Variants in GRIK4 observed in about 807,000 individuals in gnomAD.
The protein encoded by GRIK4 is glutamate receptor ionotropic, kainate 4.
A neutral mutation model predicts 104.9 loss-of-function variants in GRIK4; 40 were observed. The observed-to-expected ratio is 0.38, with a 90% CI of 0.30 to 0.50. GRIK4 has a LOEUF of 0.50. Ranked by LOEUF, GRIK4 falls within the 20% of genes least tolerant of loss-of-function variation. The pLI is 0.93. For synonymous variants in GRIK4, 485 were observed against 524.9 expected (o/e 0.92, Z 1.04); for missense variants, 1,047 against 1,308.1 (o/e 0.80, Z 3.08).
In GRIK4 at chr11:120,555,257, G is replaced by A. The variant is rs1213784735; in HGVS notation, c.-159+43370G>A. Reference sequence around the variant, plus strand: ...GCTGGCTGTCCAAAAGCAAAACCCAGCAAGTGGCTTCCTGTTTATGCATTA... The same window carrying A: ...GCTGGCTGTCCAAAAGCAAAACCCAACAAGTGGCTTCCTGTTTATGCATTA... On this transcript the variant is annotated intron_variant, in intron 1 of 20. Transcript: ENST00000527524. This position sits in a 1 kb window ranked among gnomAD's most constrained non-coding sequence, Gnocchi z 5.3. 6.6e-6 allele frequency among the ~76,000 whole-genome samples: 1 copy of A among 152,220 alleles called. No homozygotes were observed.
At chr11:120,781,746 G>A (rs1166563275) in intron 3 of GRIK4, among the ~76,000 whole-genome samples, 1 of 152,184 alleles carries the variant, frequency 6.6e-6, no homozygotes, top group African/African-American at 2.4e-5. Context: ...GTGCGTGAGG[G>A]TGGTCTCTGG....
intron 1 of GRIK4, among the ~76,000 whole-genome samples, chr11:120,613,557 G>C (rs988236191): frequency 6.6e-6 from 1 of 152,246 alleles, no homozygotes; most frequent in African/African-American, 2.4e-5. Context: ...GCATGTGTTT[G>C]CGTGTGTGCA....
intron 3 of GRIK4, among the ~76,000 whole-genome samples, chr11:120,772,323 T>C (rs998615866): frequency 1.3e-5 from 2 of 152,212 alleles, no homozygotes; most frequent in African/African-American, 2.4e-5. Context: ...AGTCCAAGAT[T>C]ACACAGCCAG....
At chr11:120,809,550 C>T (rs940482855) in intron 4 of GRIK4, among the ~76,000 whole-genome samples, 1 of 152,276 alleles carries the variant, frequency 6.6e-6, no homozygotes, top group Non-Finnish European at 1.5e-5. Flanking sequence ...TTCAGTTCCA[C>T]TGGACTCATT....
chr11:120,837,157 A>C (rs1412253577), intron 8 of GRIK4, among the ~76,000 whole-genome samples: 1 of 152,196 alleles, frequency 6.6e-6, no homozygotes, highest in Admixed American at 6.5e-5. Flanking sequence ...TAGTCTCTAC[A>C]TGGACTTAGG....
intron 18 of GRIK4, among the ~76,000 whole-genome samples, chr11:120,966,373 AATTT>A (rs1944384052): frequency 6.6e-6 from 1 of 152,062 alleles, no homozygotes; most frequent in Non-Finnish European, 1.5e-5. Flanking sequence ...GAAATTAATT[AATTT>A]ATTTATTTTT....
At chr11:120,770,654 G>A (rs953525909) in intron 3 of GRIK4, among the ~76,000 whole-genome samples, 2 of 152,196 alleles carry the variant, frequency 1.3e-5, no homozygotes, top group African/African-American at 4.8e-5. Context: ...CTGGGGAAGT[G>A]CCATGGTCTC....
chr11:120,694,666 G>A (rs944724073), intron 3 of GRIK4, among the ~76,000 whole-genome samples: 2 of 152,174 alleles, frequency 1.3e-5, no homozygotes, highest in African/African-American at 4.8e-5. Flanking sequence ...TAACAGCCCA[G>A]CCTTGGGTGC....
rs1944396164 is a variant in GRIK4, at chr11:120,967,068, ATC to A, written c.2267-125_2267-124del. The A allele has an allele frequency of 9.5e-7, 1 of 1,047,340 alleles. No individual in the cohort carries two copies. The highest frequency in any genetic ancestry group is 2.6e-5 in the East Asian group (1 of 38,478). 64.9% of individuals were successfully genotyped at this position (1,047,340 alleles called of 1,614,324 possible). ...CCCATGGGCTCGCCCCACCCGCTGC[ATC>A]TGTCTGTCCCCTCTCGAGGTGAAAG... On this transcript the variant is annotated intron_variant, in intron 18 of 20. Coordinates refer to ENST00000527524, the MANE Select transcript of GRIK4 (RefSeq NM_014619.5). This position sits in a 1 kb window ranked among gnomAD's most constrained non-coding sequence, Gnocchi z 4.2.
chr11:120,637,219 A>G (rs1005891795), intron 1 of GRIK4, among the ~76,000 whole-genome samples: 1 of 152,026 alleles, frequency 6.6e-6, no homozygotes, highest in Non-Finnish European at 1.5e-5. Flanking sequence ...ACAGGCAGGG[A>G]GCGGGTGTTC....
At chr11:120,808,473 G>T (rs1202192121) in intron 4 of GRIK4, among the ~76,000 whole-genome samples, 1 of 152,208 alleles carries the variant, frequency 6.6e-6, no homozygotes, top group African/African-American at 2.4e-5. Context: ...TGCTTGCACG[G>T]TGGCTTGGGA....
intron 1 of GRIK4, among the ~76,000 whole-genome samples, chr11:120,592,322 G>A (rs930897678): frequency 1.3e-5 from 2 of 152,198 alleles, no homozygotes; most frequent in East Asian, 1.9e-4. Flanking sequence ...ACCTGCTAAC[G>A]TGTGTGTGCA....
In GRIK4 at chr11:120,524,636, G is replaced by A. The variant is rs947569788; in HGVS notation, c.-159+12749G>A. On this transcript the variant is annotated intron_variant, in intron 1 of 20. Transcript: ENST00000527524. The surrounding 1 kb of genome is among the most constrained non-coding windows in gnomAD (Gnocchi z 4.5). ...GGGGTGACTGGTAAGAGCAAAGGTG[G>A]CGTTTGGGCTGACAGCGCTAACTTC... 1.3e-5 allele frequency among the ~76,000 whole-genome samples: 2 copies of A among 152,292 alleles called. No individual in the cohort carries two copies. Among genetic ancestry groups the A allele is most frequent in the South Asian group, 4.1e-4 (2 of 4,824 alleles).
At chr11:120,515,988 C>G (rs542627419) in intron 1 of GRIK4, among the ~76,000 whole-genome samples, 1 of 152,188 alleles carries the variant, frequency 6.6e-6, no homozygotes, top group Non-Finnish European at 1.5e-5. Flanking sequence ...CACTCTGTCC[C>G]ACATCCCAGA....
At chr11:120,624,728 G>A (rs1949234644) in intron 1 of GRIK4, among the ~76,000 whole-genome samples, 1 of 152,148 alleles carries the variant, frequency 6.6e-6, no homozygotes, top group African/African-American at 2.4e-5. Context: ...CATTAGCGTA[G>A]ATCCTCATTT....
intron 3 of GRIK4, among the ~76,000 whole-genome samples, chr11:120,774,292 T>C (rs138833565): frequency 1.5e-4 from 23 of 152,246 alleles, no homozygotes; most frequent in African/African-American, 5.3e-4. Context: ...GAGAGCTGTG[T>C]ATTAGGGTTC....
In GRIK4 at chr11:120,967,934, A is replaced by G. The variant is rs367653673; in HGVS notation, c.2395+611A>G. ...AGAGCTCTTCACTCCCACCCTACACATTTCTCTCCATCACCTTAACCCCAC... is the reference window on the plus strand; with the variant it reads ...AGAGCTCTTCACTCCCACCCTACACGTTTCTCTCCATCACCTTAACCCCAC... On this transcript the variant is annotated intron_variant, in intron 19 of 20. Transcript: ENST00000527524. The surrounding 1 kb of genome is among the most constrained non-coding windows in gnomAD (Gnocchi z 4.2). 6.6e-5 allele frequency among the ~76,000 whole-genome samples: 10 copies of G among 150,574 alleles called. No homozygotes were observed. Among genetic ancestry groups the G allele is most frequent in the East Asian group, 2.0e-4 (1 of 5,108 alleles).
intron 3 of GRIK4, among the ~76,000 whole-genome samples, chr11:120,688,572 A>G (rs1261891334): frequency 6.6e-6 from 1 of 152,228 alleles, no homozygotes; most frequent in African/African-American, 2.4e-5. Context: ...GGAGGCCTCG[A>G]TACTTCATCA....
intron 3 of GRIK4, among the ~76,000 whole-genome samples, chr11:120,716,540 G>A (rs944626924): frequency 2.0e-5 from 3 of 152,222 alleles, no homozygotes; most frequent in Admixed American, 6.5e-5. Flanking sequence ...CACTACGTCT[G>A]GCTACGCTCT....
Sources: allele counts gnomAD v4.1 joint callset (sites outside exome capture counted in the v4.1 genomes callset), GRCh38; gene constraint gnomAD v4.1.1; non-coding constraint Gnocchi (gnomAD v3.1); transcripts MANE v1.5; gene names NCBI Gene and HGNC (gene_info 2026-07-23, HGNC 2026-07-21).